The following RNF8 variants were observed in gnomAD, a reference collection of about 807,000 sequenced individuals.
RNF8 encodes the protein ring finger protein 8.
In RNF8, 8 loss-of-function variants were observed where a neutral mutation model predicts 59.3. The ratio of observed to expected loss-of-function variants is 0.13; its 90% CI spans 0.08 to 0.24. The LOEUF (loss-of-function observed/expected upper bound fraction) is 0.24, where lower values mean the gene tolerates loss of function less well. Among genes scored for constraint, RNF8 ranks in the 10% least tolerant of loss-of-function variants. The pLI is 1.00. For missense variants in RNF8, 406 were observed against 572.6 expected (o/e 0.71, Z 2.97); for synonymous variants, 162 against 200.0 (o/e 0.81, Z 1.60).
At chr6:37,387,626 G>A (rs1428169187) in intron 7 of RNF8, among the ~76,000 whole-genome samples, 2 of 152,154 alleles carry the variant, frequency 1.3e-5, no homozygotes, top group African/African-American at 4.8e-5. Flanking sequence ...ATAGGCATGC[G>A]CCACCACGCC....
chr6:37,364,693 T>C (rs991368953), intron 2 of RNF8, among the ~76,000 whole-genome samples: 11 of 152,258 alleles, frequency 7.2e-5, no homozygotes, highest in African/African-American at 2.7e-4. Context: ...ATCCTATTTC[T>C]AGGTATTTAC....
chr6:37,379,962 G>A (rs896942945), intron 6 of RNF8, among the ~76,000 whole-genome samples: 2 of 152,176 alleles, frequency 1.3e-5, no homozygotes, highest in African/African-American at 4.8e-5. Context: ...CGCCCAGGCT[G>A]GAGTGCAGTA....
chr6:37,389,611 G>A (rs1397279379), intron 7 of RNF8, among the ~76,000 whole-genome samples: 1 of 152,056 alleles, frequency 6.6e-6, no homozygotes, highest in Non-Finnish European at 1.5e-5. Flanking sequence ...TTGGAAAGCA[G>A]GGGAAGACAG....
intron 3 of RNF8, chr6:37,370,319 A>T (rs1769751686): frequency 6.6e-6 from 1 of 152,164 alleles, no homozygotes; most frequent in African/African-American, 2.4e-5. Flanking sequence ...TGCTTCCCTT[A>T]TCCAGCCTAG....
At chr6:37,373,297 A>C (rs1476563048) in intron 4 of RNF8, among the ~76,000 whole-genome samples, 1 of 152,212 alleles carries the variant, frequency 6.6e-6, no homozygotes, top group Non-Finnish European at 1.5e-5. Flanking sequence ...AGTGGAAAAG[A>C]AAATAAAAAG....
chr6:37,387,225 C>T (rs1482857468), intron 7 of RNF8, among the ~76,000 whole-genome samples: 1 of 152,204 alleles, frequency 6.6e-6, no homozygotes, highest in Non-Finnish European at 1.5e-5. Flanking sequence ...AGACATGCTC[C>T]TTTTCCTGGC....
chr6:37,355,685 AG>A (rs1458544013), intron 1 of RNF8, among the ~76,000 whole-genome samples: 1 of 152,198 alleles, frequency 6.6e-6, no homozygotes, highest in Non-Finnish European at 1.5e-5. Context: ...CTGTGGTTTG[AG>A]GAACACCAAG....
chr6:37,367,271 A>G (rs1284609336), intron 2 of RNF8, among the ~76,000 whole-genome samples: 1 of 152,250 alleles, frequency 6.6e-6, no homozygotes, highest in African/African-American at 2.4e-5. Flanking sequence ...TAAAGAGGTC[A>G]AGAAACCTGG....
At chr6:37,376,500 T>C (rs187979180) in intron 5 of RNF8, among the ~76,000 whole-genome samples, 247 of 152,272 alleles carry the variant, frequency 1.6e-3, no homozygotes, top group African/African-American at 5.5e-3. Flanking sequence ...GATTCGTAGA[T>C]GGAGTCTTGC....
chr6:37,376,006 A>T (rs562020784), intron 5 of RNF8, among the ~76,000 whole-genome samples: 2 of 152,282 alleles, frequency 1.3e-5, no homozygotes, highest in African/African-American at 4.8e-5. Flanking sequence ...ATCATAGAGC[A>T]TGGAGCCTGA....
chr6:37,361,519 T>C (rs1037520685), intron 2 of RNF8: 7 of 357,260 alleles, frequency 2.0e-5, no homozygotes, highest in Non-Finnish European at 2.8e-5. Context: ...AGTGCAGATA[T>C]ACAAGCACCG....
At position 37,392,417 on chromosome 6, in the gene RNF8, A is replaced by G; in HGVS notation, c.*1659A>G. ...TGAAATTAAAGGTACAAAATGGCGT[A>G]GAATGAAATGCCTCTCACCCTTTCC... is the stretch of plus-strand genomic sequence containing the variant. On this transcript the variant is annotated 3_prime_UTR_variant, in exon 8 of 8. Transcript: ENST00000373479. 1 of 398,626 alleles carries G rather than the reference A, an allele frequency of 2.5e-6. No homozygotes were observed. Among genetic ancestry groups the G allele is most frequent in the Non-Finnish European group, 4.4e-6 (1 of 226,056 alleles). The allele number at this position is 398,626 out of a possible 1,614,324, so 24.7% of individuals were successfully genotyped here. A position where few individuals can be genotyped will look rare whatever the true frequency, so the allele number is the denominator to read the frequency against.
chr6:37,374,122 T>C (rs1769917837), intron 4 of RNF8, among the ~76,000 whole-genome samples: 1 of 152,236 alleles, frequency 6.6e-6, no homozygotes, highest in Admixed American at 6.5e-5. Context: ...TAAAAATCTT[T>C]TTTATTTCAA....
chr6:37,394,160 T>C lies in RNF8; in HGVS notation c.*3402T>C, dbSNP rs918735748. 1 of 152,238 alleles carries C rather than the reference T, an allele frequency of 6.6e-6. No individual in the cohort carries two copies. Among genetic ancestry groups the C allele is most frequent in the African/African-American group, 2.4e-5 (1 of 41,474 alleles). The allele number at this position is 152,238 out of a possible 1,614,324, so 9.4% of individuals were successfully genotyped here. On this transcript the variant is annotated 3_prime_UTR_variant, in exon 8 of 8. Coordinates refer to ENST00000373479, the MANE Select transcript of RNF8 (RefSeq NM_003958.4). ...GATCAGGAGAATCCTGGAATTGTTA[T>C]CTGTCTCTTGCTCTGAGATACAGAC...
chr6:37,354,918 A>G (rs1301186756), intron 1 of RNF8, among the ~76,000 whole-genome samples: 1 of 152,164 alleles, frequency 6.6e-6, no homozygotes, highest in African/African-American at 2.4e-5. Flanking sequence ...TCACGTAGAA[A>G]TGTCTTCCTC....
At position 37,360,540 on chromosome 6, in the gene RNF8, A is replaced by G; in HGVS notation, c.206A>G (p.Asn69Ser). 6.2e-7 allele frequency: 1 copy of G among 1,614,082 alleles called. No homozygotes were observed. Residue 69 changes from asparagine to serine, a missense_variant, in exon 2 of 8, where the codon AAT becomes AGT. Physicochemically the swap from Asn to Ser is conservative, Grantham distance 46. Transcript: ENST00000373479. The surrounding 1 kb of genome is among the most constrained non-coding windows in gnomAD (Gnocchi z 4.2). Reference protein sequence around the residue: ...ISRNHCVLKQNPEGQWTIMDN... With the variant: ...ISRNHCVLKQSPEGQWTIMDN... Reference sequence around the variant, plus strand: ...CGAAACCACTGTGTTTTGAAGCAGAATCCTGAGGGCCAATGGACAATTATG... The same window carrying G: ...CGAAACCACTGTGTTTTGAAGCAGAGTCCTGAGGGCCAATGGACAATTATG...
chr6:37,367,647 G>A (rs1193832281), intron 2 of RNF8, among the ~76,000 whole-genome samples: 1 of 152,150 alleles, frequency 6.6e-6, no homozygotes, highest in Non-Finnish European at 1.5e-5. Flanking sequence ...CAAGTGATCC[G>A]CACACCTCGG....
rs1416465735 is a variant in RNF8, at chr6:37,394,059, A to G, written c.*3301A>G. ...CGACACTGAACCCCCTAGGCTTCTG[A>G]TGAATCCAGTGATTAGCTAAATTTG... is the stretch of plus-strand genomic sequence containing the variant. On this transcript the variant is annotated 3_prime_UTR_variant, in exon 8 of 8. Coordinates refer to ENST00000373479, the MANE Select transcript of RNF8 (RefSeq NM_003958.4). 6.6e-6 allele frequency: 1 copy of G among 152,214 alleles called. No individual in the cohort carries two copies. Among genetic ancestry groups the G allele is most frequent in the Non-Finnish European group, 1.5e-5 (1 of 68,044 alleles). 9.4% of individuals were successfully genotyped at this position (152,214 alleles called of 1,614,324 possible). A position where few individuals can be genotyped will look rare whatever the true frequency, so the allele number is the denominator to read the frequency against.
In RNF8 at chr6:37,360,450, C is replaced by G; in HGVS notation, c.116C>G (p.Thr39Ser). The G allele has an allele frequency of 5.0e-6, 8 of 1,613,768 alleles. No individual in the cohort carries two copies. Among genetic ancestry groups the G allele is most frequent in the Non-Finnish European group, 6.8e-6 (8 of 1,179,824 alleles). Residue 39 changes from threonine to serine, a missense_variant, in exon 2 of 8, where the codon ACT becomes AGT. Coordinates refer to ENST00000373479, the MANE Select transcript of RNF8 (RefSeq NM_003958.4). The surrounding 1 kb of genome is among the most constrained non-coding windows in gnomAD (Gnocchi z 4.2). ...TGCATTGTTGTTGTCTCCCAGGTGA[C>G]TGTAGGACGAGGATTTGGTGTCACA... ...WLLLEDGCEV[T>S]VGRGFGVTYQ...
Sources: gnomAD v4.1 joint callset for allele counts (sites outside exome capture counted in the v4.1 genomes callset) on GRCh38, gnomAD v4.1.1 for gene constraint, Gnocchi (gnomAD v3.1) non-coding constraint, MANE v1.5 for transcripts, NCBI Gene and HGNC (gene_info 2026-07-23, HGNC 2026-07-21) for gene names.